The following RNF220 variants were observed in gnomAD, a reference collection of about 807,000 sequenced individuals.
RNF220 encodes the protein E3 ubiquitin-protein ligase RNF220.
RNF220 carries 7 observed loss-of-function variants against 67.1 expected under a neutral mutation model. The ratio of observed to expected loss-of-function variants is 0.10; its 90% CI spans 0.06 to 0.20. RNF220 has a LOEUF of 0.20. Ranked by LOEUF, RNF220 falls within the 10% of genes least tolerant of loss-of-function variation. RNF220 has a pLI of 1.00. For synonymous variants in RNF220, 270 were observed against 283.2 expected (o/e 0.95, Z 0.47); for missense variants, 565 against 740.3 (o/e 0.76, Z 2.75).
intron 2 of RNF220, among the ~76,000 whole-genome samples, chr1:44,487,959 C>A (rs955010401): frequency 9.6e-5 from 9 of 94,226 alleles, no homozygotes; most frequent in African/African-American, 2.9e-4. Context: ...AGAGTGGTAG[C>A]CTTTTGGCAC....
rs1644133732 is a variant in RNF220 at position 44,631,829 on chromosome 1, G to A, written c.907-514G>A. ...AAAGATTGGGTGGGTAGGCTTCACGGGCGGTGGGAGGGACCCCGGGGAGGC... is the reference window on the plus strand; with the variant it reads ...AAAGATTGGGTGGGTAGGCTTCACGAGCGGTGGGAGGGACCCCGGGGAGGC... On this transcript the variant is annotated intron_variant, in intron 5 of 14. Transcript: ENST00000361799. The A allele has an allele frequency of 4.6e-6, 4 of 869,536 alleles. No individual in the cohort carries two copies. In the South Asian group the frequency reaches 2.1e-4, roughly 46 times the overall value. The allele number at this position is 869,536 out of a possible 1,614,324, so 53.9% of individuals were successfully genotyped here.
Position 44,423,747 on chromosome 1 carries a change from G to A in RNF220, c.625+11025G>A, listed in dbSNP as rs188789335. 6.1e-4 allele frequency: 450 copies of A among 743,136 alleles called. No homozygotes were observed. In the African/African-American group the frequency reaches 7.5e-3, roughly 12 times the overall value. The allele number at this position is 743,136 out of a possible 1,614,324, so 46.0% of individuals were successfully genotyped here. On this transcript the variant is annotated intron_variant, in intron 2 of 14. Coordinates refer to ENST00000361799, the MANE Select transcript of RNF220 (RefSeq NM_018150.4). ...CAGGGCCTAGAGTACTCGCTTGGCC[G>A]TTAAACTAAGCCACATAGCACCCGG...
intron 2 of RNF220, among the ~76,000 whole-genome samples, chr1:44,601,195 C>T (rs957073726): frequency 7.2e-5 from 11 of 152,246 alleles, no homozygotes; most frequent in African/African-American, 2.6e-4. Context: ...TGTGGATGAT[C>T]ACCAAGGACC....
chr1:44,591,900 C>T (rs1489716829), intron 2 of RNF220, among the ~76,000 whole-genome samples: 2 of 152,074 alleles, frequency 1.3e-5, no homozygotes, highest in African/African-American at 4.8e-5. Flanking sequence ...GCCCTCTCCA[C>T]CTCCGAGCCC....
chr1:44,453,623 C>G (rs1572550743), intron 2 of RNF220, among the ~76,000 whole-genome samples: 1 of 151,870 alleles, frequency 6.6e-6, no homozygotes, highest in East Asian at 1.9e-4. Context: ...TTTCTAAATA[C>G]AGAACCATCC....
chr1:44,422,106 G>A (rs1460106132), intron 2 of RNF220, among the ~76,000 whole-genome samples: 1 of 152,198 alleles, frequency 6.6e-6, no homozygotes, highest in African/African-American at 2.4e-5. Context: ...ACAAAGGTGT[G>A]TACTAGGTAG....
In RNF220 at chr1:44,429,116, A is replaced by AT. The variant is rs895187464; in HGVS notation, c.625+16404dup. Among the ~76,000 whole-genome samples the AT allele has an allele frequency of 5.5e-3, 826 of 148,972 alleles. 3 individuals carry two copies. Among genetic ancestry groups the AT allele is most frequent in the African/African-American group, 0.019 (767 of 40,534 alleles). On this transcript the variant is annotated intron_variant, in intron 2 of 14. Transcript: ENST00000361799. The stretch of plus-strand genomic sequence containing the variant: ...CTACTCTTCAGTCTGCCACTTGTGG[A>AT]TTTTTTTTTTCTTTCCTTCCACCTC...
At chr1:44,640,018 G>C (rs1644441873) in intron 8 of RNF220, among the ~76,000 whole-genome samples, 1 of 152,224 alleles carries the variant, frequency 6.6e-6, no homozygotes, top group Non-Finnish European at 1.5e-5. Flanking sequence ...TTGAACTCCT[G>C]ACCTCAGGTG....
intron 2 of RNF220, among the ~76,000 whole-genome samples, chr1:44,516,058 A>G (rs1015743666): frequency 6.6e-6 from 1 of 152,172 alleles, no homozygotes; most frequent in African/African-American, 2.4e-5. Context: ...TTCTAAAAGG[A>G]TAGCAAAGGA....
At chr1:44,499,752 T>C (rs1657663578) in intron 2 of RNF220, among the ~76,000 whole-genome samples, 1 of 145,982 alleles carries the variant, frequency 6.9e-6, no homozygotes, top group Admixed American at 6.6e-5. Context: ...CACTGCTTAC[T>C]GGACATCTCC....
At chr1:44,462,213 G>A (rs1300579169) in intron 2 of RNF220, among the ~76,000 whole-genome samples, 1 of 151,902 alleles carries the variant, frequency 6.6e-6, no homozygotes, top group Non-Finnish European at 1.5e-5. Flanking sequence ...GATTACAGGT[G>A]TGAGCCACCA....
intron 2 of RNF220, among the ~76,000 whole-genome samples, chr1:44,424,320 A>T (rs1284262330): frequency 6.6e-6 from 1 of 151,938 alleles, no homozygotes; most frequent in Non-Finnish European, 1.5e-5. Context: ...GGGGACAGGG[A>T]TGGGGGTGGG....
chr1:44,509,065 GGGTTT>G (rs1310274515), intron 2 of RNF220, among the ~76,000 whole-genome samples: 1 of 152,146 alleles, frequency 6.6e-6, no homozygotes, highest in Non-Finnish European at 1.5e-5. Flanking sequence ...CCCCAGAGTA[GGGTTT>G]CTTAATGAAA....
Position 44,635,545 on chromosome 1 carries a change from C to A in RNF220, c.950C>A (p.Ala317Asp). 2 of 1,613,940 alleles carry A rather than the reference C, an allele frequency of 1.2e-6. No individual in the cohort carries two copies. The highest frequency in any genetic ancestry group is 8.5e-7 in the Non-Finnish European group (1 of 1,179,868). ...CTTTGTTTTCGGTTTCCCCGTGCAG[C>A]TCGGATTGGGAAAATGAAACGGAGG... ...VRANRQTRLN[A>D]RIGKMKRRKQ... The change falls in exon 7 of 15, where the codon GCT becomes GAT. Residue 317 changes from alanine to aspartate, a missense_variant and splice_region_variant. Ala to Asp is a moderately radical substitution (Grantham distance 126). Transcript: ENST00000361799.
intron 2 of RNF220, among the ~76,000 whole-genome samples, chr1:44,596,655 A>G (rs1231332333): frequency 6.6e-6 from 1 of 152,052 alleles, no homozygotes; most frequent in Non-Finnish European, 1.5e-5. Context: ...TAAAGGAAAA[A>G]CGATAGGGAA....
intron 2 of RNF220, among the ~76,000 whole-genome samples, chr1:44,513,797 T>C (rs1659232121): frequency 1.3e-5 from 2 of 152,242 alleles, no homozygotes. Context: ...TGTGCGCGTG[T>C]GTCTGTGTGC....
At chr1:44,443,159 G>C (rs78142571) in intron 2 of RNF220, among the ~76,000 whole-genome samples, 1 of 152,100 alleles carries the variant, frequency 6.6e-6, no homozygotes, top group African/African-American at 2.4e-5. Flanking sequence ...CTTGGATGTC[G>C]TGTGGGCACT....
chr1:44,618,732 T>C (rs993014637), intron 3 of RNF220, among the ~76,000 whole-genome samples: 1 of 149,790 alleles, frequency 6.7e-6, no homozygotes. Context: ...CAGTGTGGAG[T>C]GTGGGTTGGG....
At chr1:44,533,697 A>AG (rs999709559) in intron 2 of RNF220, among the ~76,000 whole-genome samples, 1 of 152,216 alleles carries the variant, frequency 6.6e-6, no homozygotes, top group African/African-American at 2.4e-5. Flanking sequence ...CAGCACATGA[A>AG]GGGTCACCTA....
Sources: gnomAD v4.1 joint callset for allele counts (sites outside exome capture counted in the v4.1 genomes callset) on GRCh38, gnomAD v4.1.1 for gene constraint, MANE v1.5 for transcripts, NCBI Gene and HGNC (gene_info 2026-07-23, HGNC 2026-07-21) for gene names.